Variants in CATSPER3 observed in about 807,000 individuals in gnomAD.
The protein encoded by CATSPER3 is cation channel sperm-associated protein 3.
In CATSPER3, 23 loss-of-function variants were observed where a neutral mutation model predicts 36.6. That is an observed-to-expected ratio of 0.63 (90% confidence interval 0.45 to 0.89). The LOEUF (loss-of-function observed/expected upper bound fraction) is 0.89. Ranked by LOEUF, CATSPER3 falls within the 40% of genes least tolerant of loss-of-function variation. The pLI is 0.00. For missense variants in CATSPER3, 474 were observed against 503.9 expected, an observed-to-expected ratio of 0.94 and a Z score of 0.57; for synonymous variants, 172 against 184.1, an observed-to-expected ratio of 0.93 and a Z score of 0.53.
chr5:134,971,171 A>C (rs144612276), intron 2 of CATSPER3, among the ~76,000 whole-genome samples: 2 of 152,092 alleles, frequency 1.3e-5, no homozygotes, highest in Admixed American at 1.3e-4. Flanking sequence ...GGATGGTCTC[A>C]ATCTCCTGAC....
intron 3 of CATSPER3, among the ~76,000 whole-genome samples, chr5:135,006,642 C>G (rs1373488151): frequency 6.6e-6 from 1 of 151,932 alleles, no homozygotes; most frequent in Non-Finnish European, 1.5e-5. Flanking sequence ...CGAGACCATC[C>G]TGGCTAACAC....
intron 3 of CATSPER3, among the ~76,000 whole-genome samples, chr5:135,000,115 T>C (rs1317950685): frequency 6.6e-6 from 1 of 152,220 alleles, no homozygotes; most frequent in East Asian, 1.9e-4. Flanking sequence ...GTTTTTAGCA[T>C]GAAGGGCTGT....
chr5:135,005,849 C>T (rs1454806956), intron 3 of CATSPER3, among the ~76,000 whole-genome samples: 1 of 152,228 alleles, frequency 6.6e-6, no homozygotes, highest in Non-Finnish European at 1.5e-5. Context: ...CCTGCCTCCT[C>T]CTCCTGGGGC....
At chr5:134,969,762 C>A (rs1383132836) in intron 1 of CATSPER3, 177 bp from the exon 2 acceptor site, 1 of 680,916 alleles carries the variant, frequency 1.5e-6, no homozygotes, top group Non-Finnish European at 2.6e-6. Context: ...TATCCATGAT[C>A]ATCATATATA....
chr5:134,968,727 A>G (rs901556838), intron 1 of CATSPER3: 2 of 151,896 alleles, frequency 1.3e-5, no homozygotes, highest in South Asian at 2.1e-4. Context: ...AGAAAAATAT[A>G]TATTCTATAT....
At chr5:134,978,159 G>C (rs1263559485) in intron 2 of CATSPER3, among the ~76,000 whole-genome samples, 1 of 152,198 alleles carries the variant, frequency 6.6e-6, no homozygotes, top group African/African-American at 2.4e-5. Flanking sequence ...GGGAAGAGCA[G>C]GGGGGAAGGA....
At chr5:134,979,038 C>A (rs1249628108) in intron 2 of CATSPER3, among the ~76,000 whole-genome samples, 1 of 152,062 alleles carries the variant, frequency 6.6e-6, no homozygotes, top group Admixed American at 6.5e-5. Flanking sequence ...GTTATATTTT[C>A]ACTGCCTTGT....
intron 1 of CATSPER3, chr5:134,969,322 C>A (rs1751572622): frequency 6.4e-6 from 1 of 155,952 alleles, no homozygotes; most frequent in Non-Finnish European, 1.4e-5. Flanking sequence ...TACACTGTTG[C>A]CAGCATTAGA....
chr5:135,002,030 G>A (rs1422351088), intron 3 of CATSPER3, among the ~76,000 whole-genome samples: 3 of 152,196 alleles, frequency 2.0e-5, no homozygotes, highest in East Asian at 1.9e-4. Context: ...TATTTTGCTC[G>A]TTAGTTGATG....
Position 134,989,933 on chromosome 5 carries a change from A to AAGT in CATSPER3, c.253-6340_253-6339insAGT, listed in dbSNP as rs1751857938. Among the ~76,000 whole-genome samples, 3 of 152,294 alleles carry AAGT rather than the reference A, an allele frequency of 2.0e-5. 1 individual carries two copies. In the South Asian group the frequency reaches 6.2e-4, roughly 32 times the overall value. ...CCCTTCATTTCACTTGAACACTTAC[A>AAGT]GATCATTGTAGGGTTATTAACTGAC... On this transcript the variant is annotated intron_variant, in intron 2 of 7. Transcript: ENST00000282611.
intron 2 of CATSPER3, among the ~76,000 whole-genome samples, chr5:134,985,790 T>C (rs1048470441): frequency 7.9e-5 from 12 of 150,984 alleles, no homozygotes; most frequent in African/African-American, 2.9e-4. Context: ...TCCTAGCTGC[T>C]TGGGAGGCTG....
At chr5:134,976,405 G>T (rs1297488139) in intron 2 of CATSPER3, among the ~76,000 whole-genome samples, 1 of 151,824 alleles carries the variant, frequency 6.6e-6, no homozygotes, top group East Asian at 1.9e-4. Context: ...CAAGGAGCAG[G>T]GTTTCACATT....
intron 2 of CATSPER3, among the ~76,000 whole-genome samples, chr5:134,992,525 G>A (rs1751891628): frequency 6.6e-6 from 1 of 152,154 alleles, no homozygotes; most frequent in Non-Finnish European, 1.5e-5. Flanking sequence ...AGGAGTTCGA[G>A]ACCAGCTTGG....
intron 2 of CATSPER3, among the ~76,000 whole-genome samples, chr5:134,995,090 A>G (rs1751928647): frequency 6.6e-6 from 1 of 151,698 alleles, no homozygotes; most frequent in East Asian, 1.9e-4. Context: ...ATACATTCAT[A>G]TAATCAAATC....
intron 3 of CATSPER3, among the ~76,000 whole-genome samples, chr5:135,005,531 G>T (rs1752075307): frequency 6.6e-6 from 1 of 152,214 alleles, no homozygotes; most frequent in African/African-American, 2.4e-5. Flanking sequence ...CTGGCCTGCT[G>T]GCCATGGGGA....
chr5:134,990,142 G>A (rs1751860226), intron 2 of CATSPER3, among the ~76,000 whole-genome samples: 1 of 152,134 alleles, frequency 6.6e-6, no homozygotes. Flanking sequence ...ATCTGAGACA[G>A]GTCTCAGCAA....
At chr5:134,981,139 C>T (rs1262658534) in intron 2 of CATSPER3, among the ~76,000 whole-genome samples, 1 of 151,478 alleles carries the variant, frequency 6.6e-6, no homozygotes, top group Non-Finnish European at 1.5e-5. Context: ...CATTTTTTCC[C>T]CAAACCCTCT....
intron 3 of CATSPER3, among the ~76,000 whole-genome samples, chr5:135,002,275 A>T (rs1426959080): frequency 6.6e-6 from 1 of 152,224 alleles, no homozygotes; most frequent in Non-Finnish European, 1.5e-5. Flanking sequence ...TTCTTTCAGA[A>T]TGTTGAATAT....
chr5:135,009,037 T>C (rs1752143324), intron 5 of CATSPER3, 56 bp downstream of exon 5: 3 of 1,612,166 alleles, frequency 1.9e-6, no homozygotes, highest in Non-Finnish European at 2.5e-6. Flanking sequence ...GATGGAGCTG[T>C]AGGGCAAGTC....
Sources: allele counts gnomAD v4.1 joint callset (sites outside exome capture counted in the v4.1 genomes callset), GRCh38; gene constraint gnomAD v4.1.1; transcripts MANE v1.5; gene names NCBI Gene and HGNC (gene_info 2026-07-23, HGNC 2026-07-21).